SIL1: variants seen among roughly 807,000 people sequenced by gnomAD.
SIL1 encodes nucleotide exchange factor SIL1.
SIL1 carries 40 observed loss-of-function variants against 49.1 expected under a neutral mutation model. That is an observed-to-expected ratio of 0.81 (90% confidence interval 0.63 to 1.06). SIL1 has a LOEUF of 1.06. Among genes scored for constraint, SIL1 ranks in the 50% least tolerant of loss-of-function variants. The pLI, the probability that SIL1 is intolerant of heterozygous loss-of-function variation, is 0.00. For synonymous variants in SIL1, 253 were observed against 250.8 expected (o/e 1.01, Z -0.08); for missense variants, 500 against 572.6 (o/e 0.87, Z 1.29).
intron 3 of SIL1, among the ~76,000 whole-genome samples, chr5:139,056,488 C>A (rs1483775874): frequency 2.0e-5 from 3 of 150,152 alleles, no homozygotes; most frequent in Admixed American, 6.6e-5. Flanking sequence ...CCACCCCGTC[C>A]GGGAGGGAGG....
chr5:139,021,396 T>A (rs947525273), intron 6 of SIL1, 104 bp from the exon 7 acceptor site: 1 of 1,524,878 alleles, frequency 6.6e-7, no homozygotes, highest in Non-Finnish European at 8.9e-7. Context: ...TAAAAAGCCA[T>A]GGAAAAATCA....
At chr5:139,196,954 T>C (rs1752286812) in intron 1 of SIL1, among the ~76,000 whole-genome samples, 1 of 151,802 alleles carries the variant, frequency 6.6e-6, no homozygotes, top group Non-Finnish European at 1.5e-5. Flanking sequence ...CAACAAAATA[T>C]CTTTCACAAT....
At chr5:138,990,380 G>A (rs181294906) in intron 7 of SIL1, among the ~76,000 whole-genome samples, 6 of 152,298 alleles carry the variant, frequency 3.9e-5, no homozygotes, top group Middle Eastern at 3.4e-3. Flanking sequence ...CCAGATAACC[G>A]TAGAAGGTAA....
intron 1 of SIL1, among the ~76,000 whole-genome samples, chr5:139,165,637 A>C (rs1751602532): frequency 6.6e-6 from 1 of 151,160 alleles, no homozygotes; most frequent in African/African-American, 2.4e-5. Context: ...GGCCAAACCA[A>C]TGTCTGTCTT....
chr5:139,099,192 T>C (rs1259457633), intron 3 of SIL1, among the ~76,000 whole-genome samples: 2 of 152,158 alleles, frequency 1.3e-5, no homozygotes, highest in African/African-American at 4.8e-5. Context: ...TCACTGATCG[T>C]CAGAGAAATG....
At chr5:139,129,751 C>T (rs904186396) in intron 1 of SIL1, among the ~76,000 whole-genome samples, 1 of 152,220 alleles carries the variant, frequency 6.6e-6, no homozygotes, top group Non-Finnish European at 1.5e-5. Context: ...CAAAGACCTA[C>T]ATTTAAGAGC....
At chr5:139,078,202 G>A (rs1023020098) in intron 3 of SIL1, among the ~76,000 whole-genome samples, 14 of 152,084 alleles carry the variant, frequency 9.2e-5, no homozygotes, top group African/African-American at 3.4e-4. Flanking sequence ...CCAGCACTTC[G>A]GGTTTCCAAG....
chr5:138,999,303 T>C (rs986104299), intron 7 of SIL1, among the ~76,000 whole-genome samples: 6 of 152,242 alleles, frequency 3.9e-5, no homozygotes, highest in African/African-American at 1.2e-4. Flanking sequence ...GTATTCTTCA[T>C]AGCTGCTGTA....
At chr5:139,073,094 C>T (rs1293421415) in intron 3 of SIL1, among the ~76,000 whole-genome samples, 1 of 152,284 alleles carries the variant, frequency 6.6e-6, no homozygotes, top group African/African-American at 2.4e-5. Context: ...AAGCTTTGTA[C>T]ACTGCTGATG....
intron 7 of SIL1, among the ~76,000 whole-genome samples, chr5:138,971,863 C>T (rs1022867873): frequency 6.6e-6 from 1 of 152,150 alleles, no homozygotes; most frequent in African/African-American, 2.4e-5. Context: ...GGTCCTTGGC[C>T]TTTCCTCACC....
In SIL1 at chr5:139,140,099, G is replaced by C. The variant is rs193118956; in HGVS notation, c.-10-12246C>G. On this transcript the variant is annotated intron_variant, in intron 1 of 9. Transcript: ENST00000394817. ...AGCCTGGCCAACACGGTGAAACCCC[G>C]TCTCTACTAAAAATACAAAAATTAG... is the stretch of plus-strand genomic sequence containing the variant. Among the ~76,000 whole-genome samples the C allele has an allele frequency of 2.6e-5, 4 of 152,160 alleles. No homozygotes were observed. The East Asian group carries it at 7.7e-4, about 29-fold the overall frequency.
intron 1 of SIL1, among the ~76,000 whole-genome samples, chr5:139,195,331 T>C (rs555052753): frequency 6.6e-6 from 1 of 152,342 alleles, no homozygotes; most frequent in East Asian, 1.9e-4. Context: ...AGAGCTTTCA[T>C]GTGTAATACG....
chr5:139,135,481 C>G (rs1750955499), intron 1 of SIL1, among the ~76,000 whole-genome samples: 1 of 152,172 alleles, frequency 6.6e-6, no homozygotes, highest in Non-Finnish European at 1.5e-5. Context: ...AGTGGCAGTA[C>G]AGATGTTAGC....
chr5:139,045,652 C>T (rs745466200), intron 4 of SIL1, among the ~76,000 whole-genome samples: 11 of 152,214 alleles, frequency 7.2e-5, no homozygotes, highest in Non-Finnish European at 1.3e-4. Flanking sequence ...AAATGTTTAA[C>T]AAGTATTTCA....
rs116346542 is a variant in SIL1 at position 139,136,359 on chromosome 5, G to T, written c.-10-8506C>A. Among the ~76,000 whole-genome samples, 1,331 of 152,296 alleles carry T rather than the reference G, an allele frequency of 8.7e-3. 8 individuals are homozygous for T. The highest frequency in any genetic ancestry group is 0.015 in the Admixed American group (225 of 15,300). ...CTGTTGAAGACGAAGAGGTAGACAG[G>T]GCTAAGGCAGGGCAAGAGTTTCAGT... On this transcript the variant is annotated intron_variant, in intron 1 of 9. Coordinates refer to ENST00000394817, the MANE Select transcript of SIL1 (RefSeq NM_022464.5).
At chr5:139,194,650 C>G (rs1581163894) in intron 1 of SIL1, among the ~76,000 whole-genome samples, 1 of 152,290 alleles carries the variant, frequency 6.6e-6, no homozygotes, top group South Asian at 2.1e-4. Context: ...GGCTGTGCTA[C>G]AGAGCGTGAT....
chr5:139,024,754 T>C (rs1484324787), intron 6 of SIL1, among the ~76,000 whole-genome samples: 1 of 152,238 alleles, frequency 6.6e-6, no homozygotes, highest in Non-Finnish European at 1.5e-5. Context: ...AGGAATCCTT[T>C]TAAAAGTAAG....
chr5:139,107,977 G>A (rs1175175600), intron 3 of SIL1: 1 of 152,152 alleles, frequency 6.6e-6, no homozygotes, highest in Non-Finnish European at 1.5e-5. Context: ...GTGAACCCAG[G>A]TAGACTGACT....
chr5:138,975,110 T>C (rs1160356238), intron 7 of SIL1, among the ~76,000 whole-genome samples: 1 of 152,182 alleles, frequency 6.6e-6, no homozygotes, highest in Non-Finnish European at 1.5e-5. Flanking sequence ...CCATTTTTAG[T>C]ATAATACTGT....
Sources: allele counts gnomAD v4.1 joint callset (sites outside exome capture counted in the v4.1 genomes callset), GRCh38; gene constraint gnomAD v4.1.1; transcripts MANE v1.5; gene names NCBI Gene and HGNC (gene_info 2026-07-23, HGNC 2026-07-21).